Variants in RNF175 observed in about 807,000 individuals in gnomAD.
RNF175 encodes ring finger protein 175.
Under a neutral mutation model 50.0 loss-of-function variants are expected in RNF175, and 38 were observed. The observed-to-expected ratio is 0.76, with a 90% CI of 0.59 to 1.00. The LOEUF is 1.00. RNF175 is among the 50% of genes least tolerant of loss of function. The pLI is 0.00. For missense variants in RNF175, 388 were observed against 409.6 expected (o/e 0.95, Z 0.46); for synonymous variants, 155 against 146.1 (o/e 1.06, Z -0.44).
intron 7 of RNF175, chr4:153,713,876 G>A (rs1398141886): frequency 6.6e-6 from 1 of 152,168 alleles, no homozygotes; most frequent in Non-Finnish European, 1.5e-5. Flanking sequence ...GGGCCATTGA[G>A]TCAGCACAGA....
At position 153,712,522 on chromosome 4, in the gene RNF175, G is replaced by A; in HGVS notation, c.819C>T (p.Cys273=). 1 of 1,613,052 alleles carries A rather than the reference G, an allele frequency of 6.2e-7. No individual in the cohort carries two copies. ...GWCIVGKKQT[C]PYCKEKVDLK... ...AATCAACTTTCTCTTTGCAGTAAGGGCAAGTCTGCTTTTTCCCAACGATAC... is the reference window on the plus strand; with the variant it reads ...AATCAACTTTCTCTTTGCAGTAAGGACAAGTCTGCTTTTTCCCAACGATAC... The change falls in exon 8 of 9, where the codon TGC becomes TGT. Residue 273 remains cysteine, a synonymous_variant. Coordinates refer to ENST00000347063, the MANE Select transcript of RNF175 (RefSeq NM_173662.4).
chr4:153,746,794 A>C (rs543414609), intron 3 of RNF175, among the ~76,000 whole-genome samples: 1 of 152,342 alleles, frequency 6.6e-6, no homozygotes, highest in African/African-American at 2.4e-5. Context: ...CTCTGCCCCA[A>C]GACAAGTTTT....
At chr4:153,712,426 CA>C (rs1553952720) in intron 8 of RNF175, 48 bp downstream of exon 8, 1 of 1,139,520 alleles carries the variant, frequency 8.8e-7, no homozygotes, top group African/African-American at 1.6e-5. Context: ...AATATATCCC[CA>C]GAAACATTCA....
In RNF175 at chr4:153,745,970, T is replaced by C. The variant is rs373207575; in HGVS notation, c.246+2675A>G. 4.7e-4 allele frequency among the ~76,000 whole-genome samples: 72 copies of C among 152,350 alleles called. No individual in the cohort carries two copies. In the East Asian group the frequency reaches 0.013, roughly 27 times the overall value. The stretch of plus-strand genomic sequence containing the variant: ...CACAGCATTCTGCTCTGGCTCCAAA[T>C]TCATGTTTTTCTCACACATAAAATA... On this transcript the variant is annotated intron_variant, in intron 3 of 8. Coordinates refer to ENST00000347063, the MANE Select transcript of RNF175 (RefSeq NM_173662.4).
At chr4:153,711,426 T>A (rs1416589693) in intron 8 of RNF175, among the ~76,000 whole-genome samples, 1 of 152,054 alleles carries the variant, frequency 6.6e-6, no homozygotes, top group Non-Finnish European at 1.5e-5. Flanking sequence ...TCCACTGATG[T>A]TGCCTCCTTC....
At chr4:153,757,211 A>C (rs6857680) in intron 1 of RNF175, among the ~76,000 whole-genome samples, 97,168 of 152,020 alleles carry the variant, frequency 0.64, 32,478 homozygotes, top group African/African-American at 0.83. Context: ...ACCAGGATAT[A>C]TACTGACCTT....
intron 3 of RNF175, among the ~76,000 whole-genome samples, chr4:153,735,767 A>G (rs1168072451): frequency 1.3e-5 from 2 of 152,066 alleles, no homozygotes; most frequent in Non-Finnish European, 2.9e-5. Flanking sequence ...TGCAACTGTA[A>G]ATGGTATTGT....
intron 3 of RNF175, among the ~76,000 whole-genome samples, chr4:153,734,569 C>A (rs1739232427): frequency 6.7e-6 from 1 of 148,188 alleles, no homozygotes; most frequent in Non-Finnish European, 1.5e-5. Context: ...GAGTTGTTTT[C>A]TCGTGGTTGA....
chr4:153,715,455 CAGGAGGAGGAGGAGG>C, intron 7 of RNF175, 59 bp downstream of exon 7: 1 of 1,403,402 alleles, frequency 7.1e-7, no homozygotes, highest in African/African-American at 1.4e-5. Flanking sequence ...GAGATGGGGA[CAGGAGGAGGAGGAGG>C]AGAAGGAGGA....
Position 153,743,764 on chromosome 4 carries a change from A to T in RNF175, c.246+4881T>A, listed in dbSNP as rs1408582700. On this transcript the variant is annotated intron_variant, in intron 3 of 8. Coordinates refer to ENST00000347063, the MANE Select transcript of RNF175 (RefSeq NM_173662.4). The stretch of plus-strand genomic sequence containing the variant: ...AGAGCAAAAGTGGGGTGACTAAAGG[A>T]GTCAGGGGGAGGTGGCAGTCAAAAG... 2.0e-5 allele frequency among the ~76,000 whole-genome samples: 3 copies of T among 152,172 alleles called. No homozygotes were observed. In the East Asian group the frequency reaches 5.8e-4, roughly 29 times the overall value.
At chr4:153,748,863 A>C (rs1382267825) in intron 2 of RNF175, 77 bp from the exon 3 acceptor site, 2 of 1,391,802 alleles carry the variant, frequency 1.4e-6, no homozygotes, top group Non-Finnish European at 1.9e-6. Flanking sequence ...AAAACAAAAA[A>C]CAAAAAAACA....
chr4:153,710,948 G>A (rs1193251090), intron 8 of RNF175, among the ~76,000 whole-genome samples: 1 of 152,170 alleles, frequency 6.6e-6, no homozygotes, highest in African/African-American at 2.4e-5. Context: ...GATAAACTGT[G>A]CTAGGGAGCT....
At chr4:153,731,958 G>A (rs971674330) in intron 3 of RNF175, among the ~76,000 whole-genome samples, 3 of 152,102 alleles carry the variant, frequency 2.0e-5, no homozygotes, top group Admixed American at 6.6e-5. Flanking sequence ...GGGTTGGCAC[G>A]TGGTGACTCA....
chr4:153,731,947 T>C (rs1268145691), intron 3 of RNF175, among the ~76,000 whole-genome samples: 1 of 151,852 alleles, frequency 6.6e-6, no homozygotes, highest in African/African-American at 2.4e-5. Context: ...GAAGAAAGTA[T>C]GGGTTGGCAC....
intron 8 of RNF175, among the ~76,000 whole-genome samples, chr4:153,712,033 C>T (rs1228175117): frequency 6.6e-6 from 1 of 152,040 alleles, no homozygotes; most frequent in African/African-American, 2.4e-5. Context: ...TTTGGTACAC[C>T]CTAACATATT....
chr4:153,737,370 T>A (rs1442730448), intron 3 of RNF175, among the ~76,000 whole-genome samples: 1 of 152,126 alleles, frequency 6.6e-6, no homozygotes, highest in Non-Finnish European at 1.5e-5. Context: ...AAATTACTCT[T>A]CCTTTTCTAG....
chr4:153,758,172 G>A (rs1740650397), intron 1 of RNF175, among the ~76,000 whole-genome samples: 1 of 152,182 alleles, frequency 6.6e-6, no homozygotes, highest in African/African-American at 2.4e-5. Flanking sequence ...TAATAGGCTG[G>A]TCAGTAACTA....
intron 8 of RNF175, 125 bp downstream of exon 8, chr4:153,712,350 G>A (rs1737639935): frequency 4.8e-6 from 3 of 624,652 alleles, no homozygotes; most frequent in Non-Finnish European, 5.7e-6. Context: ...TTTGAAATAG[G>A]TGGTTAGGGA....
At chr4:153,736,120 A>T (rs1347075247) in intron 3 of RNF175, among the ~76,000 whole-genome samples, 1 of 152,186 alleles carries the variant, frequency 6.6e-6, no homozygotes, top group Non-Finnish European at 1.5e-5. Flanking sequence ...GGCACTCTTT[A>T]TCAAGTTGGG....
Sources: allele counts gnomAD v4.1 joint callset (sites outside exome capture counted in the v4.1 genomes callset), GRCh38; gene constraint gnomAD v4.1.1; transcripts MANE v1.5; gene names NCBI Gene and HGNC (gene_info 2026-07-23, HGNC 2026-07-21).